Variants in ZNF525 observed in about 807,000 individuals in gnomAD.
The protein encoded by ZNF525 is zinc finger protein 525.
A neutral mutation model predicts 37.6 loss-of-function variants in ZNF525; 33 were observed. That is an observed-to-expected ratio of 0.88 (90% CI 0.67 to 1.17). The LOEUF (loss-of-function observed/expected upper bound fraction) is 1.17, where lower values mean the gene tolerates loss of function less well. Among genes scored for constraint, ZNF525 ranks in the 50% most tolerant of loss-of-function variants. ZNF525 has a pLI of 0.00. For missense variants in ZNF525, 449 were observed against 543.1 expected (o/e 0.83, Z 1.72); for synonymous variants, 170 against 182.3 (o/e 0.93, Z 0.54).
chr19:53,377,114 A>G (rs12983192), intron 3 of ZNF525, among the ~76,000 whole-genome samples: 1 of 151,832 alleles, frequency 6.6e-6, no homozygotes, highest in Non-Finnish European at 1.5e-5. Flanking sequence ...AAATAATAGG[A>G]AAAAAAGTTG....
chr19:53,367,104 A>T (rs1032453250), intron 1 of ZNF525, among the ~76,000 whole-genome samples: 2 of 152,120 alleles, frequency 1.3e-5, no homozygotes, highest in African/African-American at 4.8e-5. Flanking sequence ...TTGAAAGAAA[A>T]ACAAGAACAG....
chr19:53,382,556 A>G lies in ZNF525; in HGVS notation c.*537A>G. ...CCATCATAGACGTCATACTGGAGAG[A>G]AACCTTAGAAGTGCAATGAGTGTGG... On this transcript the variant is annotated 3_prime_UTR_variant, in exon 4 of 4. Transcript: ENST00000474037. The G allele has an allele frequency of 1.5e-6, 1 of 667,658 alleles. No individual in the cohort carries two copies. 41.4% of individuals were successfully genotyped at this position (667,658 alleles called of 1,614,324 possible).
intron 3 of ZNF525, 25 bp from the exon 4 acceptor site, chr19:53,380,697 A>G: frequency 9.9e-7 from 1 of 1,012,638 alleles, no homozygotes; most frequent in East Asian, 2.4e-5. Flanking sequence ...TCTTTTGTGT[A>G]CCTATTAGTG....
Position 53,381,801 on chromosome 19 carries a change from G to C in ZNF525, c.1222G>C (p.Glu408Gln), listed in dbSNP as rs1469867112. Residue 408 changes from glutamate to glutamine, a missense_variant, in exon 4 of 4, where the codon GAG becomes CAG. By Grantham distance (29) the Glu-to-Gln change is conservative. Around this residue, in one of 2 missense-constraint regions of ZNF525, gnomAD observed 178 missense variants for 161.5 expected, o/e 1.10. Coordinates refer to ENST00000474037, the MANE Select transcript of ZNF525 (RefSeq NM_001348156.2). ...ATGCCATCGTAGACTTCATACTGGA[G>C]AGAAACCTTACAAGTGTGAAGAATG... ...LTCHRRLHTGEKPYKCEECDE... is the reference protein window; with the variant it reads ...LTCHRRLHTGQKPYKCEECDE... 4 of 1,063,894 alleles carry C rather than the reference G, an allele frequency of 3.8e-6. No individual in the cohort carries two copies. Among genetic ancestry groups the C allele is most frequent in the African/African-American group, 1.5e-5 (1 of 64,834 alleles). 65.9% of individuals were successfully genotyped at this position (1,063,894 alleles called of 1,614,324 possible).
chr19:53,366,982 G>GT (rs541023924), intron 1 of ZNF525, among the ~76,000 whole-genome samples: 86 of 151,928 alleles, frequency 5.7e-4, no homozygotes, highest in East Asian at 1.7e-3. Context: ...CACAGAGTGG[G>GT]TTTTTTTTGC....
chr19:53,370,740 A>G (rs987647135), intron 1 of ZNF525, among the ~76,000 whole-genome samples: 3 of 152,206 alleles, frequency 2.0e-5, no homozygotes, highest in Non-Finnish European at 4.4e-5. Flanking sequence ...AGACTCAGAC[A>G]CAGAGACTAT....
rs779329897 is a variant in ZNF525, at chr19:53,380,944, G to C, written c.365G>C (p.Ser122Thr). The C allele has an allele frequency of 6.4e-7, 1 of 1,557,048 alleles. No homozygotes were observed. Among genetic ancestry groups the C allele is most frequent in the African/African-American group, 1.4e-5 (1 of 73,724 alleles). The stretch of plus-strand genomic sequence containing the variant: ...ACAAAAATCAAAAAATTGATGGGTA[G>C]TACAGAGCAATATGATCACAGGCAT... ...PMTKIKKLMG[S>T]TEQYDHRHAG... The change falls in exon 4 of 4, where the codon AGT becomes ACT. Residue 122 changes from serine (S) to threonine (T), a missense_variant. Coordinates refer to ENST00000474037, the MANE Select transcript of ZNF525 (RefSeq NM_001348156.2).
intron 3 of ZNF525, among the ~76,000 whole-genome samples, chr19:53,378,314 G>A (rs1290871207): frequency 2.0e-5 from 3 of 152,092 alleles, no homozygotes; most frequent in South Asian, 2.1e-4. Context: ...AGAATTAGCT[G>A]GGCGTGGTGG....
intron 1 of ZNF525, 129 bp from the exon 2 acceptor site, chr19:53,372,086 T>C: frequency 4.4e-6 from 2 of 454,078 alleles, no homozygotes; most frequent in South Asian, 9.5e-5. Context: ...TTGTACCTGG[T>C]ACCTGGTGTG....
intron 2 of ZNF525, among the ~76,000 whole-genome samples, chr19:53,374,132 C>T (rs181874107): frequency 1.6e-4 from 24 of 152,228 alleles, no homozygotes; most frequent in Admixed American, 3.3e-4. Context: ...ATCCACACAC[C>T]TCGGCCTCCC....
intron 1 of ZNF525, among the ~76,000 whole-genome samples, chr19:53,368,373 A>C (rs1361995113): frequency 2.0e-5 from 3 of 152,196 alleles, no homozygotes; most frequent in Non-Finnish European, 4.4e-5. Flanking sequence ...TAAACAAGTT[A>C]ATTCTTCTAG....
chr19:53,366,604 A>G (rs8107258), intron 1 of ZNF525, among the ~76,000 whole-genome samples: 26,517 of 150,060 alleles, frequency 0.18, 2,460 homozygotes, highest in African/African-American at 0.23. Context: ...GAGAAAAGCT[A>G]GATGTACAGA....
Position 53,381,087 on chromosome 19 carries a change from G to A in ZNF525, c.508G>A (p.Asp170Asn), listed in dbSNP as rs766552036. Residue 170 changes from aspartate to asparagine, a missense_variant, in exon 4 of 4, where the codon GAT becomes AAT. Transcript: ENST00000474037. ...TAATCAAGTGGAGAAGTCTATCAAC[G>A]ATGCTTCCTCGGTTTCAACAGCCCA... ...INNQVEKSIN[D>N]ASSVSTAQRI... The A allele has an allele frequency of 6.1e-6, 9 of 1,483,638 alleles. No homozygotes were observed. Among genetic ancestry groups the A allele is most frequent in the East Asian group, 2.3e-5 (1 of 44,236 alleles). The allele number at this position is 1,483,638 out of a possible 1,614,324, so 91.9% of individuals were successfully genotyped here.
At position 53,373,088 on chromosome 19, in the gene ZNF525, T is replaced by C. The variant is rs1053996172; in HGVS notation, c.15+792T>C. Among the ~76,000 whole-genome samples the C allele has an allele frequency of 3.9e-4, 59 of 152,170 alleles. 1 individual carries two copies. Among genetic ancestry groups the C allele is most frequent in the African/African-American group, 1.3e-3 (56 of 41,534 alleles). Reference sequence around the variant, plus strand: ...TACAATTATTATTATTATGATATTCTGATAATATTATTATATTTTAAATAT... The same window carrying C: ...TACAATTATTATTATTATGATATTCCGATAATATTATTATATTTTAAATAT... On this transcript the variant is annotated intron_variant, in intron 2 of 3. Coordinates refer to ENST00000474037, the MANE Select transcript of ZNF525 (RefSeq NM_001348156.2).
rs542642649 is a variant in ZNF525 at position 53,366,720 on chromosome 19, T to G, written c.-68+961T>G. 6.7e-4 allele frequency among the ~76,000 whole-genome samples: 101 copies of G among 150,518 alleles called. 1 individual carries two copies. Among genetic ancestry groups the G allele is most frequent in the African/African-American group, 2.3e-3 (94 of 40,264 alleles). On this transcript the variant is annotated intron_variant, in intron 1 of 3. Transcript: ENST00000474037. Reference sequence around the variant, plus strand: ...AGCCAGGGCAGACAGAGCAGAGTGGTGCTGGTGGCAAAGAGAACAGAGGGA... The same window carrying G: ...AGCCAGGGCAGACAGAGCAGAGTGGGGCTGGTGGCAAAGAGAACAGAGGGA...
At chr19:53,372,408 T>C (rs1441008227) in intron 2 of ZNF525, 112 bp downstream of exon 2, 13 of 742,696 alleles carry the variant, frequency 1.8e-5, no homozygotes, top group Admixed American at 7.3e-5. Flanking sequence ...TTTGCTCACA[T>C]TCACCCATGC....
intron 2 of ZNF525, among the ~76,000 whole-genome samples, chr19:53,373,310 T>C (rs1203486716): frequency 6.6e-6 from 1 of 152,052 alleles, no homozygotes; most frequent in Non-Finnish European, 1.5e-5. Flanking sequence ...GCCAGGCTAG[T>C]CTCAAACTCT....
chr19:53,372,422 C>G (rs1222070051), intron 2 of ZNF525, 126 bp downstream of exon 2: 6 of 745,510 alleles, frequency 8.0e-6, no homozygotes, highest in Non-Finnish European at 1.2e-5. Flanking sequence ...CCCATGCCTT[C>G]CCTCAGTCCC....
rs1473390309 is a variant in ZNF525, at chr19:53,385,173, G to C, written c.*3154G>C. On this transcript the variant is annotated 3_prime_UTR_variant, in exon 4 of 4. Coordinates refer to ENST00000474037, the MANE Select transcript of ZNF525 (RefSeq NM_001348156.2). Reference sequence around the variant, plus strand: ...TATCCTCTTGAATACAGTTTTCTAGGACAAGGGATCTTCAAGAAGTTCTGG... The same window carrying C: ...TATCCTCTTGAATACAGTTTTCTAGCACAAGGGATCTTCAAGAAGTTCTGG... The C allele has an allele frequency of 8.0e-6, 4 of 497,080 alleles. No individual in the cohort carries two copies. Among genetic ancestry groups the C allele is most frequent in the Non-Finnish European group, 1.4e-5 (4 of 282,800 alleles). 30.8% of individuals were successfully genotyped at this position (497,080 alleles called of 1,614,324 possible).
Sources: allele counts gnomAD v4.1 joint callset (sites outside exome capture counted in the v4.1 genomes callset), GRCh38; gene constraint gnomAD v4.1.1; regional missense constraint gnomAD v4.1.1; transcripts MANE v1.5; gene names NCBI Gene and HGNC (gene_info 2026-07-23, HGNC 2026-07-21).